The following GRIN2A variants were observed in gnomAD, a reference collection of about 807,000 sequenced individuals.
GRIN2A encodes glutamate receptor ionotropic, NMDA 2A.
A neutral mutation model predicts 113.4 loss-of-function variants in GRIN2A; 22 were observed. The ratio of observed to expected loss-of-function variants is 0.19; its 90% CI spans 0.14 to 0.28. The LOEUF (loss-of-function observed/expected upper bound fraction) is 0.28. Among genes scored for constraint, GRIN2A ranks in the 10% least tolerant of loss-of-function variants. The pLI, the probability that GRIN2A is intolerant of heterozygous loss-of-function variation, is 1.00. For synonymous variants in GRIN2A, 827 were observed against 738.4 expected (o/e 1.12, Z -1.94); for missense variants, 1,502 against 1,887.0 (o/e 0.80, Z 3.78).
Position 10,166,996 on chromosome 16 carries a change from G to C in GRIN2A, c.414+13002C>G, listed in dbSNP as rs189903281. Among the ~76,000 whole-genome samples, 10 of 152,260 alleles carry C rather than the reference G, an allele frequency of 6.6e-5. No individual in the cohort carries two copies. In the East Asian group the frequency reaches 1.9e-3, roughly 29 times the overall value. On this transcript the variant is annotated intron_variant, in intron 2 of 12. Transcript: ENST00000330684. ...CATAGAAAATTTGTATTAATTGACT[G>C]TCTATGTTATTGGTAAGGCTTCTGA...
rs781270566 is a variant in GRIN2A at position 9,849,770 on chromosome 16, C to A, written c.1314G>T (p.Lys438Asn). ...CTGCCACTCACTTGATTTTGACGAACTTCCGACATGGCACGGTGTTCCTCA... is the reference window on the plus strand; with the variant it reads ...CTGCCACTCACTTGATTTTGACGAAATTCCGACATGGCACGGTGTTCCTCA... Reference protein sequence around the residue: ...TCVRNTVPCRKFVKINNSTNE... With the variant: ...TCVRNTVPCRNFVKINNSTNE... Residue 438 changes from lysine to asparagine, a missense_variant, in exon 5 of 13, where the codon AAG (lysine) becomes AAT (asparagine). By Grantham distance (94) the Lys-to-Asn change is moderately conservative. Around this residue, in one of 7 missense-constraint regions of GRIN2A, gnomAD observed 334 missense variants for 403.0 expected, o/e 0.83. Coordinates refer to ENST00000330684, the MANE Select transcript of GRIN2A (RefSeq NM_001134407.3). 1 of 1,613,992 alleles carries A rather than the reference C, an allele frequency of 6.2e-7. No individual in the cohort carries two copies. The highest frequency in any genetic ancestry group is 8.5e-7 in the Non-Finnish European group (1 of 1,179,924).
chr16:10,006,395 G>T (rs774933172), intron 2 of GRIN2A, among the ~76,000 whole-genome samples: 2 of 152,148 alleles, frequency 1.3e-5, no homozygotes, highest in African/African-American at 4.8e-5. Context: ...GAGTGCTAAG[G>T]GGGAGCGGTC....
chr16:10,029,225 G>T (rs772864629), intron 2 of GRIN2A, among the ~76,000 whole-genome samples: 3 of 150,528 alleles, frequency 2.0e-5, no homozygotes, highest in African/African-American at 7.4e-5. Flanking sequence ...ACAGAGTTTC[G>T]CTCTTGTTGC....
intron 2 of GRIN2A, among the ~76,000 whole-genome samples, chr16:10,167,043 T>C (rs1054106101): frequency 2.0e-5 from 3 of 152,220 alleles, no homozygotes; most frequent in Non-Finnish European, 2.9e-5. Flanking sequence ...CTATAGTTTA[T>C]GGGAATCAAA....
chr16:9,833,191 T>C (rs1350211307), intron 8 of GRIN2A, among the ~76,000 whole-genome samples: 1 of 152,208 alleles, frequency 6.6e-6, no homozygotes, highest in Non-Finnish European at 1.5e-5. Flanking sequence ...TGGGATCCTT[T>C]TAATGAGTTA....
intron 2 of GRIN2A, among the ~76,000 whole-genome samples, chr16:9,995,738 C>G (rs2046210512): frequency 1.3e-5 from 2 of 152,078 alleles, no homozygotes; most frequent in Admixed American, 1.3e-4. Flanking sequence ...ATCCCCTTTC[C>G]TTTGAGTGGG....
intron 10 of GRIN2A, among the ~76,000 whole-genome samples, chr16:9,815,376 C>A (rs1596456725): frequency 7.4e-6 from 1 of 134,500 alleles, no homozygotes; most frequent in Non-Finnish European, 1.6e-5. Context: ...GATTGATATC[C>A]AGAATATACA....
chr16:10,163,774 C>T (rs1413073337), intron 2 of GRIN2A, among the ~76,000 whole-genome samples: 1 of 152,142 alleles, frequency 6.6e-6, no homozygotes, highest in Non-Finnish European at 1.5e-5. Flanking sequence ...TTCCTCACAG[C>T]TGTTAATATC....
intron 3 of GRIN2A, among the ~76,000 whole-genome samples, chr16:9,929,832 C>A (rs933866635): frequency 8.5e-5 from 13 of 152,324 alleles, no homozygotes; most frequent in African/African-American, 2.9e-4. Flanking sequence ...AGACTTACAT[C>A]TGGCCTAAGG....
In GRIN2A at chr16:10,002,610, T is replaced by C. The variant is rs532202935; in HGVS notation, c.415-64059A>G. Among the ~76,000 whole-genome samples the C allele has an allele frequency of 7.2e-5, 11 of 152,254 alleles. No homozygotes were observed. The South Asian group carries it at 1.7e-3, about 23-fold the overall frequency. ...TACAGAAAGCACGCAGGCAACAAAA[T>C]TGAGCAAAGTAGGGTGTGTAGAGTG... On this transcript the variant is annotated intron_variant, in intron 2 of 12. Transcript: ENST00000330684.
At position 9,763,388 on chromosome 16, in the gene GRIN2A, G is replaced by A. The variant is rs2141126067; in HGVS notation, c.4156C>T (p.Pro1386Ser). The A allele has an allele frequency of 6.2e-7, 1 of 1,614,144 alleles. No individual in the cohort carries two copies. The highest frequency in any genetic ancestry group is 8.5e-7 in the Non-Finnish European group (1 of 1,180,024). Residue 1386 changes from proline (P) to serine (S), a missense_variant, in exon 13 of 13, where the codon CCT becomes TCT. Transcript: ENST00000330684. The stretch of plus-strand genomic sequence containing the variant: ...TGGGATGGCAACGAGTGTTTGTAAG[G>A]GTCCGAGGGGCATCTCCCAATAACC... ...RLVIGRCPSD[P>S]YKHSLPSQAV...
intron 11 of GRIN2A, among the ~76,000 whole-genome samples, chr16:9,792,571 C>T (rs1050666698): frequency 1.3e-5 from 2 of 152,078 alleles, no homozygotes; most frequent in African/African-American, 4.8e-5. Flanking sequence ...CTTTCAAATA[C>T]TTCACATATC....
At chr16:9,867,110 G>GC (rs907745081) in intron 4 of GRIN2A, among the ~76,000 whole-genome samples, 1 of 151,802 alleles carries the variant, frequency 6.6e-6, no homozygotes, top group African/African-American at 2.4e-5. Flanking sequence ...CAATTTTCCT[G>GC]CCCCCACTTT....
chr16:9,948,819 T>C (rs2045092222), intron 2 of GRIN2A, among the ~76,000 whole-genome samples: 1 of 152,210 alleles, frequency 6.6e-6, no homozygotes, highest in Non-Finnish European at 1.5e-5. Context: ...ATGGTGCCCA[T>C]GGCCATCTGC....
At chr16:10,156,876 A>G (rs9927622) in intron 2 of GRIN2A, among the ~76,000 whole-genome samples, 3,927 of 152,264 alleles carry the variant, frequency 0.026, 165 homozygotes, top group African/African-American at 0.09. Context: ...TGGAGGTGGG[A>G]GGAAGAACTC....
intron 4 of GRIN2A, among the ~76,000 whole-genome samples, chr16:9,859,220 C>T (rs1306960704): frequency 1.1e-4 from 16 of 151,878 alleles, no homozygotes; most frequent in Non-Finnish European, 2.2e-4. Flanking sequence ...CCTTTGCACA[C>T]ACACTTATAC....
chr16:10,085,783 G>C (rs2048074483), intron 2 of GRIN2A, among the ~76,000 whole-genome samples: 1 of 152,180 alleles, frequency 6.6e-6, no homozygotes, highest in Non-Finnish European at 1.5e-5. Context: ...TTATGGCTAG[G>C]AACTCAGTTT....
In GRIN2A at chr16:10,102,019, T is replaced by C. The variant is rs796278082; in HGVS notation, c.414+77979A>G. Among the ~76,000 whole-genome samples the C allele has an allele frequency of 5.3e-5, 8 of 152,272 alleles. No homozygotes were observed. The South Asian group carries it at 1.7e-3, about 32-fold the overall frequency. ...CAGTATTTATGGAGCAATGAGTATG[T>C]TTGTAGATTGAGAGGGGTATTTTTT... On this transcript the variant is annotated intron_variant, in intron 2 of 12. Coordinates refer to ENST00000330684, the MANE Select transcript of GRIN2A (RefSeq NM_001134407.3).
chr16:9,911,276 C>T (rs184437670), intron 3 of GRIN2A, among the ~76,000 whole-genome samples: 2 of 152,162 alleles, frequency 1.3e-5, no homozygotes, highest in African/African-American at 4.8e-5. Flanking sequence ...CACTTGAGGC[C>T]AGGAGTTTGA....
Sources: gnomAD v4.1 joint callset for allele counts (sites outside exome capture counted in the v4.1 genomes callset) on GRCh38, gnomAD v4.1.1 for gene constraint, gnomAD v4.1.1 regional missense constraint, MANE v1.5 for transcripts, NCBI Gene and HGNC (gene_info 2026-07-23, HGNC 2026-07-21) for gene names.